ROBO1: variants seen among roughly 807,000 people sequenced by gnomAD.
The protein encoded by ROBO1 is roundabout guidance receptor 1.
Under a neutral mutation model 195.9 loss-of-function variants are expected in ROBO1, and 149 were observed. The ratio of observed to expected loss-of-function variants is 0.76; its 90% CI spans 0.67 to 0.87. The LOEUF is 0.87. Ranked by LOEUF, ROBO1 falls within the 40% of genes least tolerant of loss-of-function variation. The probability of loss-of-function intolerance (pLI) is 0.00; values close to 1 mark genes in which losing one functional copy is unlikely to be tolerated. For synonymous variants in ROBO1, 816 were observed against 733.2 expected (o/e 1.11, Z -1.82); for missense variants, 1,933 against 2,068.3 (o/e 0.93, Z 1.27).
At chr3:79,311,793 C>T (rs1174203253) in intron 2 of ROBO1, among the ~76,000 whole-genome samples, 4 of 152,090 alleles carry the variant, frequency 2.6e-5, no homozygotes, top group African/African-American at 9.7e-5. Context: ...TATGGTCCTA[C>T]CCGATATTTA....
At chr3:78,680,088 T>A (rs1054523410) in intron 10 of ROBO1, among the ~76,000 whole-genome samples, 2 of 152,158 alleles carry the variant, frequency 1.3e-5, no homozygotes. Flanking sequence ...GGGAAAGGAT[T>A]CCCTATTTAA....
At chr3:79,556,482 T>G (rs1156793720) in intron 2 of ROBO1, among the ~76,000 whole-genome samples, 2 of 152,102 alleles carry the variant, frequency 1.3e-5, no homozygotes, top group Non-Finnish European at 2.9e-5. Context: ...ACCATTGTAA[T>G]TTCCACTCAC....
chr3:79,625,157 A>C (rs972961147), intron 1 of ROBO1, among the ~76,000 whole-genome samples: 4 of 151,938 alleles, frequency 2.6e-5, no homozygotes, highest in Non-Finnish European at 5.9e-5. Flanking sequence ...CCAATGAGAA[A>C]AAAGCAACAA....
intron 10 of ROBO1, among the ~76,000 whole-genome samples, chr3:78,672,830 T>C (rs920459576): frequency 6.6e-6 from 1 of 152,132 alleles, no homozygotes; most frequent in African/African-American, 2.4e-5. Flanking sequence ...GAATGAATTA[T>C]CCAGAAATAA....
intron 1 of ROBO1, among the ~76,000 whole-genome samples, chr3:79,747,974 C>T (rs1443239022): frequency 1.3e-5 from 2 of 151,890 alleles, no homozygotes; most frequent in Non-Finnish European, 2.9e-5. Flanking sequence ...GTTGACCAAA[C>T]TATCCTAATA....
At chr3:78,901,335 T>C (rs2037573595) in intron 4 of ROBO1, among the ~76,000 whole-genome samples, 1 of 152,122 alleles carries the variant, frequency 6.6e-6, no homozygotes, top group South Asian at 2.1e-4. Flanking sequence ...GCAACAAAAA[T>C]AATAAAGTTC....
chr3:78,824,909 G>A (rs1367472538), intron 4 of ROBO1, among the ~76,000 whole-genome samples: 1 of 152,032 alleles, frequency 6.6e-6, no homozygotes, highest in Non-Finnish European at 1.5e-5. Context: ...TGCGCCTACT[G>A]TCCGTTACTT....
chr3:78,778,529 A>C (rs1356337308), intron 4 of ROBO1, among the ~76,000 whole-genome samples: 1 of 152,150 alleles, frequency 6.6e-6, no homozygotes, highest in Non-Finnish European at 1.5e-5. Flanking sequence ...AATTGCTACA[A>C]AGAGAATAAG....
At chr3:79,059,578 A>C (rs1267543568) in intron 3 of ROBO1, among the ~76,000 whole-genome samples, 1 of 152,040 alleles carries the variant, frequency 6.6e-6, no homozygotes, top group Non-Finnish European at 1.5e-5. Context: ...AAGAACATAA[A>C]TTGTGAAGAT....
At chr3:78,920,637 T>G (rs1424194871) in intron 4 of ROBO1, among the ~76,000 whole-genome samples, 1 of 137,472 alleles carries the variant, frequency 7.3e-6, no homozygotes, top group African/African-American at 2.8e-5. Flanking sequence ...TTTTTTTTTT[T>G]TTTTTTTTTT....
At chr3:79,047,641 TAGCCATACACATTTAGTATAGAATA>T (rs2078619237) in intron 3 of ROBO1, among the ~76,000 whole-genome samples, 1 of 152,148 alleles carries the variant, frequency 6.6e-6, no homozygotes, top group Admixed American at 6.6e-5. Context: ...ATTTGTTACA[TAGCCATACACATTTAGTATAGAATA>T]AGCCACAGAG....
chr3:79,064,642 A>G (rs2078976161), intron 3 of ROBO1, among the ~76,000 whole-genome samples: 1 of 151,932 alleles, frequency 6.6e-6, no homozygotes. Context: ...GATGTGAGCC[A>G]CCACACCACT....
intron 2 of ROBO1, among the ~76,000 whole-genome samples, chr3:79,215,371 C>A (rs1576826371): frequency 6.6e-6 from 1 of 152,174 alleles, no homozygotes; most frequent in East Asian, 1.9e-4. Flanking sequence ...CACTTATTTG[C>A]TGAAAACACA....
chr3:79,413,104 T>C (rs1221727221), intron 2 of ROBO1, among the ~76,000 whole-genome samples: 1 of 151,674 alleles, frequency 6.6e-6, no homozygotes, highest in Non-Finnish European at 1.5e-5. Flanking sequence ...ATATATTTCT[T>C]TTAACAAGCA....
intron 8 of ROBO1, among the ~76,000 whole-genome samples, chr3:78,695,223 C>T (rs1369008519): frequency 6.6e-6 from 1 of 151,922 alleles, no homozygotes; most frequent in Non-Finnish European, 1.5e-5. Flanking sequence ...ACATATGTAA[C>T]AAACCTGCAC....
chr3:79,532,860 C>G (rs2107616537), intron 2 of ROBO1, among the ~76,000 whole-genome samples: 1 of 152,286 alleles, frequency 6.6e-6, no homozygotes, highest in Admixed American at 6.5e-5. Context: ...CATCTCACTT[C>G]ACATCCTACA....
At chr3:78,961,574 G>A (rs372722700) in intron 3 of ROBO1, among the ~76,000 whole-genome samples, 14 of 152,226 alleles carry the variant, frequency 9.2e-5, no homozygotes, top group African/African-American at 2.9e-4. Flanking sequence ...ACATTCTGAA[G>A]TGGGCACTAT....
intron 4 of ROBO1, among the ~76,000 whole-genome samples, chr3:78,790,861 T>A (rs1386864662): frequency 6.6e-6 from 1 of 152,172 alleles, no homozygotes; most frequent in Non-Finnish European, 1.5e-5. Context: ...GTCACATATG[T>A]AGACCTAATT....
intron 3 of ROBO1, among the ~76,000 whole-genome samples, chr3:78,986,722 G>A (rs1214092540): frequency 5.9e-5 from 9 of 152,178 alleles, no homozygotes; most frequent in African/African-American, 2.2e-4. Context: ...TACTTGTTCA[G>A]CAGCAACCCT....
Sources: allele counts gnomAD v4.1 joint callset (sites outside exome capture counted in the v4.1 genomes callset), GRCh38; gene constraint gnomAD v4.1.1; transcripts MANE v1.5; gene names NCBI Gene and HGNC (gene_info 2026-07-23, HGNC 2026-07-21).